The following MCTP2 variants were observed in gnomAD, a reference collection of about 807,000 sequenced individuals.
The protein encoded by MCTP2 is multiple C2 and transmembrane domain containing 2, also known as multiple C2 and transmembrane domain-containing protein 2.
MCTP2 carries 132 observed loss-of-function variants against 111.6 expected under a neutral mutation model. The ratio of observed to expected loss-of-function variants is 1.18; its 90% confidence interval spans 1.03 to 1.37. The LOEUF is 1.37. Among genes scored for constraint, MCTP2 ranks in the 40% most tolerant of loss-of-function variants. The pLI, the probability that MCTP2 is intolerant of heterozygous loss-of-function variation, is 0.00. For synonymous variants in MCTP2, 395 were observed against 387.7 expected (o/e 1.02, Z -0.22); for missense variants, 1,183 against 1,067.9 (o/e 1.11, Z -1.50).
chr15:94,347,973 C>G (rs536861804), intron 8 of MCTP2, among the ~76,000 whole-genome samples: 1 of 152,166 alleles, frequency 6.6e-6, no homozygotes, highest in South Asian at 2.1e-4. Context: ...TTATGTCTGA[C>G]TACAATGGCT....
intron 4 of MCTP2, 23 bp from the exon 5 acceptor site, chr15:94,339,267 C>T (rs373278573): frequency 1.9e-6 from 3 of 1,552,766 alleles, no homozygotes; most frequent in African/African-American, 2.8e-5. Context: ...AAAATTCTGT[C>T]TTGTTTTCTT....
chr15:94,395,197 T>C (rs189092822), intron 14 of MCTP2, among the ~76,000 whole-genome samples: 2 of 152,348 alleles, frequency 1.3e-5, no homozygotes, highest in Non-Finnish European at 1.5e-5. Flanking sequence ...AGAGCCACTT[T>C]CCATGTGCAT....
chr15:94,435,250 C>T (rs991957586), intron 17 of MCTP2, among the ~76,000 whole-genome samples: 1 of 152,172 alleles, frequency 6.6e-6, no homozygotes, highest in Admixed American at 6.5e-5. Flanking sequence ...TTGTGAATAA[C>T]TGCCACCTTA....
chr15:94,335,057 G>T (rs557439909), intron 4 of MCTP2, among the ~76,000 whole-genome samples: 120 of 152,186 alleles, frequency 7.9e-4, no homozygotes, highest in African/African-American at 2.7e-3. Context: ...TTGTGGTCTG[G>T]TGCCAGCTTT....
chr15:94,471,907 G>A (rs1236839549), intron 21 of MCTP2, among the ~76,000 whole-genome samples: 1 of 152,050 alleles, frequency 6.6e-6, no homozygotes, highest in Non-Finnish European at 1.5e-5. Context: ...TGAGATTGTT[G>A]TCTGACTCTA....
intron 20 of MCTP2, among the ~76,000 whole-genome samples, chr15:94,469,787 G>A (rs149231799): frequency 2.8e-4 from 43 of 152,114 alleles, no homozygotes; most frequent in African/African-American, 6.3e-4. Flanking sequence ...CAGGAGGATC[G>A]TTTGAGCCTG....
chr15:94,362,527 A>C (rs1405699887), intron 10 of MCTP2, among the ~76,000 whole-genome samples: 3 of 152,124 alleles, frequency 2.0e-5, no homozygotes, highest in Non-Finnish European at 4.4e-5. Flanking sequence ...GAGGCAGCGA[A>C]AAATCTGGGC....
chr15:94,401,345 C>T (rs953410050), intron 16 of MCTP2, among the ~76,000 whole-genome samples: 1 of 152,104 alleles, frequency 6.6e-6, no homozygotes, highest in African/African-American at 2.4e-5. Context: ...TAATATCAAC[C>T]CTATTTTGTA....
At chr15:94,297,885 C>T (rs921898411) in intron 1 of MCTP2, among the ~76,000 whole-genome samples, 1 of 151,984 alleles carries the variant, frequency 6.6e-6, no homozygotes. Flanking sequence ...TTTAGCTCCG[C>T]TTCCTCTGGG....
chr15:94,345,857 TAAC>T (rs893302897), intron 8 of MCTP2, among the ~76,000 whole-genome samples: 7 of 152,148 alleles, frequency 4.6e-5, no homozygotes, highest in East Asian at 1.9e-4. Context: ...TAAGGAGAAA[TAAC>T]AACAAAATAA....
intron 16 of MCTP2, among the ~76,000 whole-genome samples, chr15:94,400,893 C>T (rs1326697642): frequency 2.0e-5 from 3 of 152,124 alleles, no homozygotes; most frequent in Admixed American, 6.6e-5. Context: ...GAGGGGAAGC[C>T]TCCAAATATT....
At chr15:94,248,894 A>G (rs954695721) in intron 1 of MCTP2, among the ~76,000 whole-genome samples, 1 of 152,240 alleles carries the variant, frequency 6.6e-6, no homozygotes, top group Non-Finnish European at 1.5e-5. Flanking sequence ...GATTAACTCA[A>G]TATGGAACAG....
chr15:94,395,571 C>T (rs2081239593), intron 14 of MCTP2, among the ~76,000 whole-genome samples: 1 of 152,106 alleles, frequency 6.6e-6, no homozygotes, highest in Admixed American at 6.5e-5. Context: ...TTCTCACATG[C>T]TCACCTCTGT....
intron 17 of MCTP2, among the ~76,000 whole-genome samples, chr15:94,421,680 G>T (rs756588486): frequency 6.6e-6 from 1 of 152,044 alleles, no homozygotes; most frequent in Non-Finnish European, 1.5e-5. Flanking sequence ...GTCTTTTCTG[G>T]GCTTTCTTCT....
At chr15:94,299,734 A>G (rs965740432) in intron 2 of MCTP2, among the ~76,000 whole-genome samples, 2 of 152,202 alleles carry the variant, frequency 1.3e-5, no homozygotes, top group Non-Finnish European at 2.9e-5. Context: ...TAGTGTTACA[A>G]TTGCCTAGAA....
intron 20 of MCTP2, among the ~76,000 whole-genome samples, chr15:94,464,889 C>G (rs899965440): frequency 1.3e-5 from 2 of 152,008 alleles, no homozygotes. Context: ...CAATGGACTA[C>G]TTTTGTCAAT....
At position 94,314,301 on chromosome 15, in the gene MCTP2, AC is replaced by A. The variant is rs760103300; in HGVS notation, c.487del (p.Leu163Ter). On this transcript the variant is annotated frameshift_variant, in exon 3 of 23. Transcript: ENST00000357742. LOFTEE classifies it high-confidence loss of function. The stretch of plus-strand genomic sequence containing the variant: ...TTGCAGAAGCTATGTGGAAGCAGTG[AC>A]CTGAATGCTTCTATGACATCTCAAC... Reference protein sequence around the residue: ...EEPEKLCGSSDLNASMTSQHF... With the variant: ...EEPEKLCGSSXLNASMTSQHF... 1 of 1,609,732 alleles carries A rather than the reference AC, an allele frequency of 6.2e-7. No homozygotes were observed. Among genetic ancestry groups the A allele is most frequent in the Non-Finnish European group, 8.5e-7 (1 of 1,178,540 alleles).
At chr15:94,311,442 T>C (rs294560) in intron 2 of MCTP2, among the ~76,000 whole-genome samples, 27,836 of 152,172 alleles carry the variant, frequency 0.18, 2,884 homozygotes, top group East Asian at 0.36. Context: ...AGTTTCTAGG[T>C]TTATAAAGCA....
chr15:94,396,433 C>T (rs753323746), intron 14 of MCTP2, among the ~76,000 whole-genome samples: 3 of 151,834 alleles, frequency 2.0e-5, no homozygotes, highest in East Asian at 1.9e-4. Flanking sequence ...TTTGTTTAGA[C>T]GTGGAATTGT....
Sources: gnomAD v4.1 joint callset for allele counts (sites outside exome capture counted in the v4.1 genomes callset) on GRCh38, gnomAD v4.1.1 for gene constraint, MANE v1.5 for transcripts, NCBI Gene and HGNC (gene_info 2026-07-23, HGNC 2026-07-21) for gene names.